The following COL5A2 variants were observed in gnomAD, a reference collection of about 807,000 sequenced individuals.
COL5A2 encodes the protein collagen type V alpha 2 chain, also known as collagen alpha-2(V) chain.
A neutral mutation model predicts 208.2 loss-of-function variants in COL5A2; 23 were observed. The observed-to-expected ratio is 0.11, with a 90% CI of 0.08 to 0.16. The LOEUF is 0.16. Among genes scored for constraint, COL5A2 ranks in the 10% least tolerant of loss-of-function variants. The probability of loss-of-function intolerance (pLI) is 1.00; values close to 1 mark genes in which losing one functional copy is unlikely to be tolerated. For missense variants in COL5A2, 1,590 were observed against 1,956.4 expected (o/e 0.81, Z 3.53); for synonymous variants, 625 against 628.5 (o/e 0.99, Z 0.08).
At chr2:189,351,274 T>C in the COL5A2 span, among the ~76,000 whole-genome samples, 5 of 152,200 alleles carry the variant, frequency 3.3e-5, no homozygotes, top group African/African-American at 1.2e-4. Context: ...AACCATTGCA[T>C]TTCTAGAACA....
the COL5A2 span, among the ~76,000 whole-genome samples, chr2:189,394,757 C>T: frequency 9.0e-4 from 137 of 152,182 alleles, no homozygotes; most frequent in African/African-American, 1.8e-3. Flanking sequence ...GTATGAAAGG[C>T]ACAATGAAAT....
chr2:189,422,093 G>A, the COL5A2 span, among the ~76,000 whole-genome samples: 2 of 152,254 alleles, frequency 1.3e-5, no homozygotes, highest in African/African-American at 4.8e-5. Flanking sequence ...TTCTTCACAT[G>A]TGCAGGCATT....
chr2:189,243,742 A>C, the COL5A2 span, among the ~76,000 whole-genome samples: 1 of 152,208 alleles, frequency 6.6e-6, no homozygotes, highest in South Asian at 2.1e-4. Context: ...TCAAAAGTCC[A>C]CAGTCGAAAG....
chr2:189,117,664 T>TGAGTAGGTAAAGTCATTTCATAATATTC, intron 1 of COL5A2, among the ~76,000 whole-genome samples: 1 of 152,074 alleles, frequency 6.6e-6, no homozygotes, highest in Non-Finnish European at 1.5e-5. Flanking sequence ...CTGGTCACCT[T>TGAGTAGGTAAAGTCATTTCATAATATTC]ACCAAAAAAA....
the COL5A2 span, among the ~76,000 whole-genome samples, chr2:189,415,101 A>G: frequency 6.6e-6 from 1 of 152,114 alleles, no homozygotes; most frequent in East Asian, 1.9e-4. Flanking sequence ...ATTATTTTCC[A>G]TCGTCTTTGT....
At chr2:189,296,000 G>C in the COL5A2 span, among the ~76,000 whole-genome samples, 1 of 151,762 alleles carries the variant, frequency 6.6e-6, no homozygotes. Context: ...GGATTTACAG[G>C]TTTCTGAAGT....
the COL5A2 span, among the ~76,000 whole-genome samples, chr2:189,297,522 T>C: frequency 6.6e-6 from 1 of 152,160 alleles, no homozygotes; most frequent in Non-Finnish European, 1.5e-5. Context: ...AATTGATACA[T>C]AGTGATTCAC....
chr2:189,321,887 C>T, the COL5A2 span, among the ~76,000 whole-genome samples: 3 of 152,202 alleles, frequency 2.0e-5, no homozygotes, highest in Admixed American at 6.5e-5. Context: ...CTTCTCAGCA[C>T]CACATCGCAC....
chr2:189,193,909 G>A (rs894706143), intron 1 of COL5A2, among the ~76,000 whole-genome samples: 2 of 152,058 alleles, frequency 1.3e-5, no homozygotes, highest in Admixed American at 6.6e-5. Flanking sequence ...ATGCAATCAC[G>A]AGAAAGCCAG....
intron 1 of COL5A2, among the ~76,000 whole-genome samples, chr2:189,120,301 G>A (rs1687474819): frequency 1.3e-5 from 2 of 152,064 alleles, no homozygotes; most frequent in South Asian, 4.1e-4. Flanking sequence ...CATACACACT[G>A]AAACTTCATA....
chr2:189,068,659 C>T, intron 19 of COL5A2, 127 bp downstream of exon 19: 1 of 725,404 alleles, frequency 1.4e-6, no homozygotes, highest in South Asian at 1.6e-5. Flanking sequence ...TATAACAGAA[C>T]ATTACAGGTA....
chr2:189,355,659 G>C, the COL5A2 span, among the ~76,000 whole-genome samples: 1 of 151,924 alleles, frequency 6.6e-6, no homozygotes, highest in Non-Finnish European at 1.5e-5. Flanking sequence ...CCTTTATTTT[G>C]AGCCTATGTA....
At chr2:189,298,102 T>C in the COL5A2 span, among the ~76,000 whole-genome samples, 8 of 152,182 alleles carry the variant, frequency 5.3e-5, no homozygotes, top group African/African-American at 1.9e-4. Flanking sequence ...ACAGCCTGTA[T>C]GTATGTATTA....
chr2:189,143,830 CT>C (rs1182123143), intron 1 of COL5A2, among the ~76,000 whole-genome samples: 1 of 152,036 alleles, frequency 6.6e-6, no homozygotes. Context: ...TATTACTAGA[CT>C]GTAGGAAGAA....
intron 1 of COL5A2, among the ~76,000 whole-genome samples, chr2:189,121,187 T>G (rs1479269493): frequency 6.6e-6 from 1 of 152,180 alleles, no homozygotes; most frequent in East Asian, 1.9e-4. Flanking sequence ...TTTAACTTCC[T>G]TATTTCCTTT....
chr2:189,226,167 T>C (rs1050389774), upstream of COL5A2, among the ~76,000 whole-genome samples: 2 of 152,162 alleles, frequency 1.3e-5, no homozygotes, highest in Non-Finnish European at 2.9e-5. Context: ...AGCTATTTTC[T>C]CTACTACAGA....
chr2:189,404,423 G>T, the COL5A2 span, among the ~76,000 whole-genome samples: 2 of 152,096 alleles, frequency 1.3e-5, no homozygotes, highest in African/African-American at 4.8e-5. Flanking sequence ...TTTGGATCCA[G>T]GACTTACATC....
chr2:189,346,929 A>G, the COL5A2 span, among the ~76,000 whole-genome samples: 1 of 152,164 alleles, frequency 6.6e-6, no homozygotes, highest in Non-Finnish European at 1.5e-5. Flanking sequence ...CACTTCCACA[A>G]TGGAGGCCAC....
Position 189,220,085 on chromosome 2 carries a change from T to C in COL5A2, c.-42+5063A>G, listed in dbSNP as rs752804570. On this transcript the variant is annotated intron_variant, in intron 1 of 10. Transcript: ENST00000649966. Reference sequence around the variant, plus strand: ...GCCTTTATGCCCACCTGGCTGTCACTAGCTGCAGCTGCCACAAGAAGGACA... The same window carrying C: ...GCCTTTATGCCCACCTGGCTGTCACCAGCTGCAGCTGCCACAAGAAGGACA... Among the ~76,000 whole-genome samples the C allele has an allele frequency of 4.6e-5, 7 of 152,254 alleles. No homozygotes were observed. In the East Asian group the frequency reaches 1.2e-3, roughly 25 times the overall value.
Sources: allele counts gnomAD v4.1 joint callset (sites outside exome capture counted in the v4.1 genomes callset), GRCh38; gene constraint gnomAD v4.1.1; transcripts MANE v1.5; gene names NCBI Gene and HGNC (gene_info 2026-07-23, HGNC 2026-07-21).